YTHDF2: variants seen among roughly 807,000 people sequenced by gnomAD.
The protein encoded by YTHDF2 is YTH domain-containing family protein 2.
In YTHDF2, 2 loss-of-function variants were observed where a neutral mutation model predicts 50.4. The ratio of observed to expected loss-of-function variants is 0.04; its 90% CI spans 0.02 to 0.12. The LOEUF (loss-of-function observed/expected upper bound fraction) is 0.12. YTHDF2 is among the 10% of genes least tolerant of loss of function. YTHDF2 has a pLI of 1.00. For synonymous variants in YTHDF2, 217 were observed against 255.6 expected, an observed-to-expected ratio of 0.85 and a Z score of 1.44; for missense variants, 483 against 722.6, an observed-to-expected ratio of 0.67 and a Z score of 3.80.
At chr1:28,758,554 T>C (rs1222086560) in intron 4 of YTHDF2, among the ~76,000 whole-genome samples, 1 of 152,180 alleles carries the variant, frequency 6.6e-6, no homozygotes, top group African/African-American at 2.4e-5. Flanking sequence ...ATGACCTCCA[T>C]GACCATTTGC....
At chr1:28,755,644 A>G (rs1156549093) in intron 4 of YTHDF2, among the ~76,000 whole-genome samples, 1 of 152,210 alleles carries the variant, frequency 6.6e-6, no homozygotes, top group Non-Finnish European at 1.5e-5. Flanking sequence ...TTGAAGAATA[A>G]AGAGGGAGCA....
chr1:28,765,269 A>C (rs890993551), intron 4 of YTHDF2, among the ~76,000 whole-genome samples: 1 of 152,002 alleles, frequency 6.6e-6, no homozygotes, highest in African/African-American at 2.4e-5. Flanking sequence ...CAAAGTACTG[A>C]GATTACAGAC....
chr1:28,751,586 A>G (rs1487904816), intron 4 of YTHDF2, among the ~76,000 whole-genome samples: 1 of 152,218 alleles, frequency 6.6e-6, no homozygotes, highest in Non-Finnish European at 1.5e-5. Flanking sequence ...TGAATAGATA[A>G]AACGCCTCTT....
chr1:28,737,689 C>T lies in YTHDF2; in HGVS notation c.52+7C>T, dbSNP rs764366941. On this transcript the variant is annotated splice_region_variant and intron_variant, in intron 2 of 4. Transcript: ENST00000373812. Reference sequence around the variant, plus strand: ...AAAGGTCAAGGAAACAAAGGTAAGTCCCGCTCCGCCGGTGGCCCTGAGCCG... The same window carrying T: ...AAAGGTCAAGGAAACAAAGGTAAGTTCCGCTCCGCCGGTGGCCCTGAGCCG... The T allele has an allele frequency of 3.1e-6, 5 of 1,613,708 alleles. No homozygotes were observed. The highest frequency in any genetic ancestry group is 4.2e-6 in the Non-Finnish European group (5 of 1,179,878).
rs763859872 is a variant in YTHDF2, at chr1:28,743,514, T to C, written c.1244T>C (p.Ile415Thr). 1 of 1,614,062 alleles carries C rather than the reference T, an allele frequency of 6.2e-7. No homozygotes were observed. Among genetic ancestry groups the C allele is most frequent in the Non-Finnish European group, 8.5e-7 (1 of 1,180,054 alleles). Residue 415 changes from isoleucine (I) to threonine (T), a missense_variant, in exon 4 of 5, where the codon ATT (isoleucine) becomes ACT (threonine). Coordinates refer to ENST00000373812, the MANE Select transcript of YTHDF2 (RefSeq NM_016258.3). The surrounding 1 kb of genome is among the most constrained non-coding windows in gnomAD (Gnocchi z 6.9). Reference sequence around the variant, plus strand: ...CTGAAACATGGCCGGGTTTTCATCATTAAGAGCTACTCTGAGGACGATATT... The same window carrying C: ...CTGAAACATGGCCGGGTTTTCATCACTAAGAGCTACTCTGAGGACGATATT... ...WNLKHGRVFI[I>T]KSYSEDDIHR...
chr1:28,756,346 C>T (rs2088035618), intron 4 of YTHDF2, among the ~76,000 whole-genome samples: 1 of 152,168 alleles, frequency 6.6e-6, no homozygotes, highest in African/African-American at 2.4e-5. Context: ...GTTGGCAATG[C>T]TAGAATCGTT....
At chr1:28,767,658 A>G (rs2124215167) in intron 4 of YTHDF2, among the ~76,000 whole-genome samples, 2 of 151,882 alleles carry the variant, frequency 1.3e-5, no homozygotes, top group East Asian at 2.0e-4. Context: ...ACAGGTGCCT[A>G]CCACCACGCC....
intron 4 of YTHDF2, among the ~76,000 whole-genome samples, chr1:28,749,223 G>C (rs1385451665): frequency 1.6e-5 from 2 of 126,378 alleles, no homozygotes; most frequent in Non-Finnish European, 3.1e-5. Context: ...TCTCAGTCTC[G>C]CTCTGTCGTC....
intron 4 of YTHDF2, among the ~76,000 whole-genome samples, chr1:28,749,898 G>GTCATTGGTATTAAAT (rs1553144585): frequency 6.6e-6 from 1 of 150,556 alleles, no homozygotes; most frequent in Non-Finnish European, 1.5e-5. Context: ...CTAAAAAAAA[G>GTCATTGGTATTAAAT]TCATTGGTAT....
At chr1:28,745,604 A>G (rs2087845173) in intron 4 of YTHDF2, among the ~76,000 whole-genome samples, 1 of 152,034 alleles carries the variant, frequency 6.6e-6, no homozygotes. Context: ...ACATGCCTGT[A>G]ATCTCAGCTA....
At position 28,743,998 on chromosome 1, in the gene YTHDF2, C is replaced by T. The variant is rs371692147; in HGVS notation, c.1716+12C>T. On this transcript the variant is annotated intron_variant, in intron 4 of 4. Coordinates refer to ENST00000373812, the MANE Select transcript of YTHDF2 (RefSeq NM_016258.3). The surrounding 1 kb of genome is among the most constrained non-coding windows in gnomAD (Gnocchi z 6.9). The stretch of plus-strand genomic sequence containing the variant: ...AAAGTGTTAAAAAGGTAACCCACTT[C>T]TTCTTATTAAGATTTTTAGGGAAGG... 1.1e-4 allele frequency: 165 copies of T among 1,522,110 alleles called. No individual in the cohort carries two copies. In the African/African-American group the frequency reaches 2.1e-3, roughly 19 times the overall value. 94.3% of individuals were successfully genotyped at this position (1,522,110 alleles called of 1,614,324 possible).
chr1:28,756,787 TTGCCTGCC>T (rs147570839), intron 4 of YTHDF2, among the ~76,000 whole-genome samples: 8,861 of 151,962 alleles, frequency 0.058, 821 homozygotes, highest in African/African-American at 0.2. Flanking sequence ...AGCATTGGCT[TTGCCTGCC>T]TGCCTGCCTG....
intron 4 of YTHDF2, among the ~76,000 whole-genome samples, chr1:28,748,699 A>T (rs1319823730): frequency 6.6e-6 from 1 of 152,236 alleles, no homozygotes. Context: ...TTTAAAAAGC[A>T]ATATACTGTG....
At chr1:28,744,638 C>T (rs570120989) in intron 4 of YTHDF2, among the ~76,000 whole-genome samples, 1 of 152,264 alleles carries the variant, frequency 6.6e-6, no homozygotes, top group African/African-American at 2.4e-5. Context: ...GATGATAAAA[C>T]TGGTTGGAGC....
intron 3 of YTHDF2, 130 bp from the exon 4 acceptor site, chr1:28,742,273 G>A (rs894173616): frequency 8.2e-7 from 1 of 1,214,280 alleles, no homozygotes. Flanking sequence ...GGGATTACAG[G>A]TGTGAGCCAC....
At chr1:28,754,867 C>T (rs904453661) in intron 4 of YTHDF2, among the ~76,000 whole-genome samples, 1 of 149,274 alleles carries the variant, frequency 6.7e-6, no homozygotes, top group African/African-American at 2.5e-5. Flanking sequence ...GTCCCAGCTA[C>T]TCAGGGAGCT....
At chr1:28,737,460 C>T (rs893787300) in intron 1 of YTHDF2, 198 bp from the exon 2 acceptor site, 3 of 727,738 alleles carry the variant, frequency 4.1e-6, no homozygotes, top group African/African-American at 1.9e-5. Context: ...GGCGCGTCTG[C>T]CGCGTTTTCT....
rs764792493 is a variant in YTHDF2, at chr1:28,743,714, T to C, written c.1444T>C (p.Cys482Arg). 3 of 1,614,174 alleles carry C rather than the reference T, an allele frequency of 1.9e-6. No individual in the cohort carries two copies. The highest frequency in any genetic ancestry group is 2.2e-5 in the South Asian group (2 of 91,086). The stretch of plus-strand genomic sequence containing the variant: ...GAAATCTGCTGTGGACTACAACACA[T>C]GTGCAGGTGTGTGGTCCCAGGACAA... ...EMKSAVDYNTCAGVWSQDKWK... is the reference protein window; with the variant it reads ...EMKSAVDYNTRAGVWSQDKWK... The change falls in exon 4 of 5, where the codon TGT becomes CGT. Residue 482 changes from cysteine (C) to arginine (R), a missense_variant. Cys to Arg is a radical substitution (Grantham distance 180, BLOSUM62 -3). Coordinates refer to ENST00000373812, the MANE Select transcript of YTHDF2 (RefSeq NM_016258.3). The surrounding 1 kb of genome is among the most constrained non-coding windows in gnomAD (Gnocchi z 6.9).
intron 4 of YTHDF2, among the ~76,000 whole-genome samples, chr1:28,755,585 C>G (rs960956694): frequency 6.6e-6 from 1 of 151,860 alleles, no homozygotes; most frequent in Non-Finnish European, 1.5e-5. Flanking sequence ...AGAGCCAACA[C>G]GAGTGAGAGA....
Sources: allele counts gnomAD v4.1 joint callset (sites outside exome capture counted in the v4.1 genomes callset), GRCh38; gene constraint gnomAD v4.1.1; non-coding constraint Gnocchi (gnomAD v3.1); transcripts MANE v1.5; gene names NCBI Gene and HGNC (gene_info 2026-07-23, HGNC 2026-07-21).